DAB1: variants seen among roughly 807,000 people sequenced by gnomAD.
The protein encoded by DAB1 is DAB adaptor protein 1.
In DAB1, 15 loss-of-function variants were observed where a neutral mutation model predicts 64.6. The observed-to-expected ratio is 0.23, with a 90% CI of 0.16 to 0.36. DAB1 has a LOEUF of 0.36. Ranked by LOEUF, DAB1 falls within the 10% of genes least tolerant of loss-of-function variation. The pLI is 1.00. For synonymous variants in DAB1, 235 were observed against 251.9 expected (o/e 0.93, Z 0.64); for missense variants, 596 against 706.7 (o/e 0.84, Z 1.78).
chr1:58,319,068 A>G (rs1662622888), intron 4 of DAB1, among the ~76,000 whole-genome samples: 2 of 151,996 alleles, frequency 1.3e-5, no homozygotes, highest in Admixed American at 6.6e-5. Context: ...AGAAGAGCAC[A>G]TTTCTAGAAT....
In DAB1 at chr1:58,365,023, T is replaced by C. The variant is rs550972334; in HGVS notation, n.258-21620A>G. Among the ~76,000 whole-genome samples, 9 of 152,350 alleles carry C rather than the reference T, an allele frequency of 5.9e-5. 1 individual carries two copies. The South Asian group carries it at 1.9e-3, about 32-fold the overall frequency. The stretch of plus-strand genomic sequence containing the variant: ...ATGTTTCAGAGAATTCCCTAACTTC[T>C]AGTCCCTGACTTCATAGTTCTCCCT... On this transcript the variant is annotated intron_variant and non_coding_transcript_variant, in intron 3 of 20. Coordinates refer to the DAB1 transcript ENST00000485760.
rs115587389 is a variant in DAB1 at position 57,562,043 on chromosome 1, C to T, written n.625+87549G>A. On this transcript the variant is annotated intron_variant and non_coding_transcript_variant, in intron 7 of 20. Transcript: ENST00000485760. Reference sequence around the variant, plus strand: ...TCCACTGTCATGGTATTCCACACAGCGCTGTCTCTGACCAAGGCACTCACT... The same window carrying T: ...TCCACTGTCATGGTATTCCACACAGTGCTGTCTCTGACCAAGGCACTCACT... 6.5e-3 allele frequency among the ~76,000 whole-genome samples: 996 copies of T among 152,330 alleles called. 14 individuals are homozygous for T. Among genetic ancestry groups the T allele is most frequent in the African/African-American group, 0.023 (952 of 41,574 alleles).
At chr1:58,071,200 C>A (rs1356696954) in intron 5 of DAB1, among the ~76,000 whole-genome samples, 3 of 152,088 alleles carry the variant, frequency 2.0e-5, no homozygotes, top group African/African-American at 7.2e-5. Flanking sequence ...GAAGTTCTTT[C>A]GTGTGTTGTA....
chr1:57,514,150 A>C (rs544742779), intron 7 of DAB1, among the ~76,000 whole-genome samples: 16 of 152,354 alleles, frequency 1.1e-4, no homozygotes, highest in Non-Finnish European at 2.4e-4. Context: ...TAAACATAGA[A>C]GTGCAGACAT....
chr1:58,184,634 C>T (rs1052005976), intron 4 of DAB1, among the ~76,000 whole-genome samples: 5 of 152,088 alleles, frequency 3.3e-5, no homozygotes, highest in African/African-American at 1.2e-4. Flanking sequence ...TGCTGCTTCT[C>T]CTGTCAATTG....
At chr1:58,017,316 TCA>T (rs1646755222) in intron 5 of DAB1, among the ~76,000 whole-genome samples, 2 of 152,238 alleles carry the variant, frequency 1.3e-5, no homozygotes, top group African/African-American at 4.8e-5. Context: ...TCGAAATCAG[TCA>T]CTCTGTTCTC....
chr1:57,368,850 A>T (rs1247187865), intron 1 of DAB1, among the ~76,000 whole-genome samples: 1 of 151,764 alleles, frequency 6.6e-6, no homozygotes, highest in East Asian at 1.9e-4. Flanking sequence ...AAAATACCAT[A>T]CTCCTGCCCT....
At chr1:57,222,399 T>C (rs1666948682) in intron 2 of DAB1, among the ~76,000 whole-genome samples, 1 of 152,102 alleles carries the variant, frequency 6.6e-6, no homozygotes, top group Admixed American at 6.6e-5. Context: ...GGAGCAATAA[T>C]AAGTCAGGGA....
chr1:57,471,401 C>A (rs1687128939), intron 7 of DAB1, among the ~76,000 whole-genome samples: 1 of 152,082 alleles, frequency 6.6e-6, no homozygotes, highest in African/African-American at 2.4e-5. Context: ...ATGTCCAATG[C>A]ACTTCATAAT....
intron 9 of DAB1, among the ~76,000 whole-genome samples, chr1:57,044,117 C>A (rs1056521935): frequency 6.6e-6 from 1 of 152,184 alleles, no homozygotes; most frequent in African/African-American, 2.4e-5. Flanking sequence ...CCAGGTGTCA[C>A]CTCCTCAGGG....
chr1:57,469,459 T>A (rs1447901824), intron 7 of DAB1, among the ~76,000 whole-genome samples: 1 of 152,150 alleles, frequency 6.6e-6, no homozygotes, highest in African/African-American at 2.4e-5. Flanking sequence ...CTTCCCTCCC[T>A]CATCACTGCA....
intron 5 of DAB1, chr1:58,047,835 G>A: frequency 4.1e-6 from 1 of 244,596 alleles, no homozygotes; most frequent in East Asian, 1.1e-4. Flanking sequence ...TAAATAACCT[G>A]AACTACTTTT....
intron 5 of DAB1, among the ~76,000 whole-genome samples, chr1:57,906,569 A>G (rs1156459285): frequency 6.6e-6 from 1 of 152,172 alleles, no homozygotes; most frequent in Non-Finnish European, 1.5e-5. Context: ...TGTCAGGCAG[A>G]GGGGCACAGT....
chr1:58,042,007 A>G (rs1316747514), intron 5 of DAB1, among the ~76,000 whole-genome samples: 1 of 152,188 alleles, frequency 6.6e-6, no homozygotes, highest in East Asian at 1.9e-4. Context: ...ATCCTTATCT[A>G]CCAAGTCTCT....
chr1:58,188,788 T>C (rs1657230303), intron 4 of DAB1, among the ~76,000 whole-genome samples: 1 of 152,204 alleles, frequency 6.6e-6, no homozygotes, highest in Non-Finnish European at 1.5e-5. Flanking sequence ...AGGAGGTAAC[T>C]CACTGATTAT....
At chr1:58,189,841 A>T (rs1657289182) in intron 4 of DAB1, among the ~76,000 whole-genome samples, 1 of 152,188 alleles carries the variant, frequency 6.6e-6, no homozygotes, top group Non-Finnish European at 1.5e-5. Context: ...TGCTCTGACC[A>T]TCCTGAGGCA....
intron 1 of DAB1, among the ~76,000 whole-genome samples, chr1:57,300,450 AGAG>A (rs1164421111): frequency 6.6e-6 from 1 of 152,194 alleles, no homozygotes; most frequent in East Asian, 1.9e-4. Flanking sequence ...ACTTCCAAGA[AGAG>A]GAGATCCTTG....
At chr1:57,333,942 T>C (rs1047509401) in intron 1 of DAB1, among the ~76,000 whole-genome samples, 1 of 152,156 alleles carries the variant, frequency 6.6e-6, no homozygotes, top group Admixed American at 6.5e-5. Context: ...GCAATGCACA[T>C]TGTATTAGGA....
intron 2 of DAB1, among the ~76,000 whole-genome samples, chr1:57,282,008 C>T (rs1390577948): frequency 6.6e-6 from 1 of 151,548 alleles, no homozygotes; most frequent in Non-Finnish European, 1.5e-5. Context: ...ATGGCGAAAC[C>T]CCATCTCTAC....
Sources: gnomAD v4.1 joint callset for allele counts (sites outside exome capture counted in the v4.1 genomes callset) on GRCh38, gnomAD v4.1.1 for gene constraint, MANE v1.5 for transcripts, NCBI Gene and HGNC (gene_info 2026-07-23, HGNC 2026-07-21) for gene names.